Variants in EBF1 observed in about 807,000 individuals in gnomAD.
The protein encoded by EBF1 is EBF transcription factor 1.
In EBF1, 10 loss-of-function variants were observed where a neutral mutation model predicts 68.4. The observed-to-expected ratio is 0.15, with a 90% CI of 0.09 to 0.25. The LOEUF is 0.25. Ranked by LOEUF, EBF1 falls within the 10% of genes least tolerant of loss-of-function variation. EBF1 has a pLI of 1.00. For synonymous variants in EBF1, 298 were observed against 299.8 expected, an observed-to-expected ratio of 0.99 and a Z score of 0.06; for missense variants, 509 against 794.4, an observed-to-expected ratio of 0.64 and a Z score of 4.32.
rs77308996 is a variant in EBF1 at position 158,796,246 on chromosome 5, G to A, written c.909+99C>T. 1.2e-3 allele frequency: 1,576 copies of A among 1,267,958 alleles called. 12 individuals carry two copies. The African/African-American group carries it at 0.022, about 17-fold the overall frequency. The allele number at this position is 1,267,958 out of a possible 1,614,324, so 78.5% of individuals were successfully genotyped here. On this transcript the variant is annotated intron_variant, in intron 9 of 15. Transcript: ENST00000313708. Reference sequence around the variant, plus strand: ...AGACTGAAGCTGGCCCACCCAGAGCGGCACCACTAGAGTCTACACATTCTA... The same window carrying A: ...AGACTGAAGCTGGCCCACCCAGAGCAGCACCACTAGAGTCTACACATTCTA...
intron 11 of EBF1, among the ~76,000 whole-genome samples, chr5:158,729,638 AAATAATATTAAAT>A: frequency 6.6e-6 from 1 of 152,308 alleles, no homozygotes; most frequent in East Asian, 1.9e-4. Flanking sequence ...TTAATCTACT[AAATAATATTAAAT>A]AACCTGTAGA....
Position 159,073,432 on chromosome 5 carries a change from C to A in EBF1, c.518G>T (p.Arg173Leu). The A allele has an allele frequency of 6.2e-7, 1 of 1,614,102 alleles. No individual in the cohort carries two copies. Among genetic ancestry groups the A allele is most frequent in the Non-Finnish European group, 8.5e-7 (1 of 1,179,966 alleles). The change falls in exon 6 of 16, where the codon CGA becomes CTA. Residue 173 changes from arginine (R) to leucine (L), a missense_variant. Physicochemically the swap from Arg to Leu is moderately radical, Grantham distance 102. Transcript: ENST00000313708. ...RCCDKKSCGN[R>L]NETPSDPVII... ...CACTGGATCTGAGGGAGTCTCATTT[C>A]GGTTGCCACAGCTTTTCTTGTCACA...
intron 6 of EBF1, among the ~76,000 whole-genome samples, chr5:158,903,885 C>A (rs1333419979): frequency 6.6e-6 from 1 of 152,094 alleles, no homozygotes; most frequent in Non-Finnish European, 1.5e-5. Flanking sequence ...TCCTTCCCCA[C>A]CCCGTGAGGT....
intron 10 of EBF1, among the ~76,000 whole-genome samples, chr5:158,772,500 T>A (rs1774068462): frequency 6.6e-6 from 1 of 152,178 alleles, no homozygotes; most frequent in Non-Finnish European, 1.5e-5. Flanking sequence ...ACTTTACAAA[T>A]CAGGAGTATC....
At chr5:158,963,927 A>G (rs528133667) in intron 6 of EBF1, among the ~76,000 whole-genome samples, 21 of 152,286 alleles carry the variant, frequency 1.4e-4, no homozygotes, top group Middle Eastern at 3.4e-3. Flanking sequence ...CCTGCCCTCA[A>G]GGAGCTCGCT....
chr5:158,780,820 C>T (rs1776321454), intron 9 of EBF1, among the ~76,000 whole-genome samples: 1 of 152,168 alleles, frequency 6.6e-6, no homozygotes, highest in South Asian at 2.1e-4. Context: ...AACTTTCTCA[C>T]AGTGTGATTC....
chr5:159,069,044 A>G (rs891379043), intron 6 of EBF1, among the ~76,000 whole-genome samples: 2 of 152,134 alleles, frequency 1.3e-5, no homozygotes, highest in East Asian at 3.8e-4. Flanking sequence ...TCTTACAGGT[A>G]CATAAGTTGA....
intron 6 of EBF1, among the ~76,000 whole-genome samples, chr5:158,918,116 A>G (rs893414460): frequency 1.3e-5 from 2 of 152,202 alleles, no homozygotes; most frequent in African/African-American, 4.8e-5. Context: ...GGCTTTCTCT[A>G]TTTCATTTGA....
chr5:158,834,999 T>C (rs931009398), intron 7 of EBF1, among the ~76,000 whole-genome samples: 1 of 152,198 alleles, frequency 6.6e-6, no homozygotes, highest in African/African-American at 2.4e-5. Context: ...CAGAGTTTTT[T>C]TGTGCCAGAA....
At chr5:159,058,329 C>G (rs1775161272) in intron 6 of EBF1, among the ~76,000 whole-genome samples, 1 of 152,136 alleles carries the variant, frequency 6.6e-6, no homozygotes, top group Non-Finnish European at 1.5e-5. Context: ...TCTCACTTTG[C>G]TTTAGGACCA....
At chr5:158,712,381 G>A (rs1389220111) in intron 13 of EBF1, 48 bp from the exon 14 acceptor site, 1 of 1,596,908 alleles carries the variant, frequency 6.3e-7, no homozygotes, top group Middle Eastern at 1.7e-4. Flanking sequence ...TTCAGATGGT[G>A]GCAATCCTGG....
intron 10 of EBF1, among the ~76,000 whole-genome samples, chr5:158,767,349 C>T (rs1011942776): frequency 2.0e-5 from 3 of 152,102 alleles, no homozygotes; most frequent in African/African-American, 7.2e-5. Flanking sequence ...GGCTCCAGTT[C>T]CTGTCAGAAC....
intron 6 of EBF1, among the ~76,000 whole-genome samples, chr5:158,977,567 T>G (rs1757029874): frequency 6.6e-6 from 1 of 152,186 alleles, no homozygotes; most frequent in Non-Finnish European, 1.5e-5. Flanking sequence ...GGAAGAAAAT[T>G]TAGCATCCTA....
intron 10 of EBF1, among the ~76,000 whole-genome samples, chr5:158,773,594 C>T (rs1285733028): frequency 6.6e-6 from 1 of 151,904 alleles, no homozygotes; most frequent in Non-Finnish European, 1.5e-5. Context: ...TCCTGGTGTC[C>T]CATTCTTTCA....
intron 9 of EBF1, among the ~76,000 whole-genome samples, chr5:158,787,037 AATTCCTC>A (rs1382181284): frequency 1.3e-5 from 2 of 152,334 alleles, no homozygotes; most frequent in East Asian, 3.9e-4. Context: ...TGCAACCAGT[AATTCCTC>A]ACTTAACGTG....
chr5:158,706,823 C>G (rs889201193), intron 15 of EBF1, among the ~76,000 whole-genome samples: 4 of 152,174 alleles, frequency 2.6e-5, no homozygotes, highest in Non-Finnish European at 5.9e-5. Context: ...TCCATTTTAT[C>G]ATTTGCACAA....
rs114264313 is a variant in EBF1 at position 158,976,962 on chromosome 5, T to A, written c.554+96434A>T. Among the ~76,000 whole-genome samples, 526 of 152,330 alleles carry A rather than the reference T, an allele frequency of 3.5e-3. 3 individuals carry two copies. Among genetic ancestry groups the A allele is most frequent in the African/African-American group, 0.012 (494 of 41,568 alleles). ...CTCTCAGTTCAATTCATTTTCAGGT[T>A]CTTCTACTGCTCCTGGGGTAGTCAT... On this transcript the variant is annotated intron_variant, in intron 6 of 15. Coordinates refer to ENST00000313708, the MANE Select transcript of EBF1 (RefSeq NM_024007.5).
Position 158,698,321 on chromosome 5 carries a change from G to A in EBF1, c.*790C>T, listed in dbSNP as rs540140589. The A allele has an allele frequency of 3.6e-5, 8 of 222,760 alleles. No homozygotes were observed. The South Asian group carries it at 1.5e-3, about 41-fold the overall frequency. The allele number at this position is 222,760 out of a possible 1,614,324, so 13.8% of individuals were successfully genotyped here. A position where few individuals can be genotyped will look rare whatever the true frequency, so the allele number is the denominator to read the frequency against. ...TCGGCTTCAGAAGAAACTGACTTAA[G>A]TAAAAGGAGAGAATGAGATCAGATT... On this transcript the variant is annotated 3_prime_UTR_variant, in exon 16 of 16. Transcript: ENST00000313708.
intron 6 of EBF1, among the ~76,000 whole-genome samples, chr5:158,913,754 G>A (rs1027018112): frequency 6.6e-6 from 1 of 152,194 alleles, no homozygotes. Context: ...ATTCGAGTTC[G>A]TGGAGGCTTT....
Sources: allele counts gnomAD v4.1 joint callset (sites outside exome capture counted in the v4.1 genomes callset), GRCh38; gene constraint gnomAD v4.1.1; transcripts MANE v1.5; gene names NCBI Gene and HGNC (gene_info 2026-07-23, HGNC 2026-07-21).